KALRN: variants seen among roughly 807,000 people sequenced by gnomAD.
KALRN encodes kalirin.
Under a neutral mutation model 353.7 loss-of-function variants are expected in KALRN, and 70 were observed. The ratio of observed to expected loss-of-function variants is 0.20; its 90% confidence interval spans 0.16 to 0.24. The LOEUF is 0.24. KALRN is among the 10% of genes least tolerant of loss of function. KALRN has a pLI of 1.00. For missense variants in KALRN, 2,791 were observed against 3,756.7 expected, an observed-to-expected ratio of 0.74 and a Z score of 6.72; for synonymous variants, 1,391 against 1,434.8, an observed-to-expected ratio of 0.97 and a Z score of 0.69.
At chr3:124,397,175 C>A (rs548820571) in intron 12 of KALRN, among the ~76,000 whole-genome samples, 1 of 152,294 alleles carries the variant, frequency 6.6e-6, no homozygotes, top group East Asian at 1.9e-4. Flanking sequence ...AGAGAATAAT[C>A]ACATCCTCCC....
intron 23 of KALRN, among the ~76,000 whole-genome samples, chr3:124,459,623 C>G (rs72980539): frequency 2.0e-3 from 299 of 152,218 alleles, no homozygotes; most frequent in African/African-American, 6.8e-3. Flanking sequence ...TGAACCGTAC[C>G]AATCTTATAA....
At chr3:124,075,323 G>A (rs1260903399) in intron 1 of KALRN, among the ~76,000 whole-genome samples, 7 of 152,140 alleles carry the variant, frequency 4.6e-5, no homozygotes, top group South Asian at 2.1e-4. Flanking sequence ...TTTGTCAGTC[G>A]GGTTCTCATG....
intron 33 of KALRN, among the ~76,000 whole-genome samples, chr3:124,520,262 G>A (rs2067052923): frequency 6.6e-6 from 1 of 151,948 alleles, no homozygotes. Context: ...TTTTTTCAGT[G>A]GTAGTCCTCA....
At position 124,675,003 on chromosome 3, in the gene KALRN, GAT is replaced by G. The variant is rs141101032; in HGVS notation, c.7193+408_7193+409del. ...TCTATTTATATTGTATTAAGTAACT[GAT>G]ATATATATATATATATATTTTTGAT... On this transcript the variant is annotated intron_variant, in intron 49 of 59. Coordinates refer to ENST00000682506, the MANE Select transcript of KALRN (RefSeq NM_001388419.1). 1.0e-3 allele frequency: 149 copies of G among 146,410 alleles called. 1 individual carries two copies. The highest frequency in any genetic ancestry group is 3.6e-3 in the Middle Eastern group (1 of 278). The allele number at this position is 146,410 out of a possible 1,614,324, so 9.1% of individuals were successfully genotyped here.
Position 124,083,895 on chromosome 3 carries a change from G to A in KALRN, c.73+50082G>A, listed in dbSNP as rs545649985. Among the ~76,000 whole-genome samples the A allele has an allele frequency of 3.3e-5, 5 of 152,342 alleles. No individual in the cohort carries two copies. The South Asian group carries it at 1.0e-3, about 32-fold the overall frequency. ...ACTCTGTCTTTGTCAGGCAGACGAT[G>A]AGATTCCTTGCCTCAGTGGATGGTT... On this transcript the variant is annotated intron_variant, in intron 1 of 59. Transcript: ENST00000682506.
At chr3:124,423,919 G>T (rs76805746) in intron 15 of KALRN, among the ~76,000 whole-genome samples, 3,294 of 152,190 alleles carry the variant, frequency 0.022, 115 homozygotes, top group African/African-American at 0.074. Flanking sequence ...CAGACTAAGT[G>T]GTAATTGTTT....
At chr3:124,661,756 A>C in intron 44 of KALRN, 95 bp from the exon 45 acceptor site, 2 of 923,460 alleles carry the variant, frequency 2.2e-6, no homozygotes, top group Admixed American at 1.7e-5. Flanking sequence ...AGGAGCCACC[A>C]GAGATGAAGT....
chr3:124,368,826 G>A (rs1400277910), intron 10 of KALRN, among the ~76,000 whole-genome samples: 3 of 152,186 alleles, frequency 2.0e-5, no homozygotes, highest in African/African-American at 7.2e-5. Flanking sequence ...TCGGGAGGCC[G>A]AGGCTGGCGG....
chr3:124,423,071 C>A, intron 15 of KALRN, 93 bp downstream of exon 15: 1 of 1,187,530 alleles, frequency 8.4e-7, no homozygotes, highest in South Asian at 1.5e-5. Flanking sequence ...GCATACAGAG[C>A]CACAGGTGCC....
chr3:124,152,806 G>A (rs2068357794), intron 1 of KALRN: 1 of 273,670 alleles, frequency 3.7e-6, no homozygotes, highest in Non-Finnish European at 6.8e-6. Context: ...TCATTGAGAC[G>A]GGGTTTCACC....
intron 57 of KALRN, among the ~76,000 whole-genome samples, chr3:124,703,855 G>A (rs74706876): frequency 1.9e-4 from 29 of 149,774 alleles, no homozygotes; most frequent in African/African-American, 6.9e-4. Context: ...GTTTTGTAGA[G>A]ATGGAGTTCT....
intron 34 of KALRN, among the ~76,000 whole-genome samples, chr3:124,598,431 T>C (rs1358052364): frequency 6.6e-6 from 1 of 152,158 alleles, no homozygotes; most frequent in Non-Finnish European, 1.5e-5. Flanking sequence ...TGTGAAGTCT[T>C]CCCAGAGATC....
intron 1 of KALRN, among the ~76,000 whole-genome samples, chr3:124,177,474 G>A (rs1016640408): frequency 1.3e-5 from 2 of 152,164 alleles, no homozygotes; most frequent in African/African-American, 2.4e-5. Flanking sequence ...TGGAGAAGAT[G>A]GACCAGGATG....
chr3:124,699,887 A>C lies in KALRN; in HGVS notation c.7850A>C (p.Gln2617Pro). The change falls in exon 56 of 60, where the codon CAG (glutamine) becomes CCG (proline). Residue 2617 changes from glutamine to proline, a missense_variant. Physicochemically the swap from Gln to Pro is moderately conservative, Grantham distance 76. This residue lies in a region of KALRN where 1,065 missense variants were observed against 1,156.4 expected (regional missense o/e 0.92). Coordinates refer to ENST00000682506, the MANE Select transcript of KALRN (RefSeq NM_001388419.1). ...ACACTAGGTTCTCAGATCTGGCAGCAGTCAGTGGCTTCGACCTTGGACACT... is the reference window on the plus strand; with the variant it reads ...ACACTAGGTTCTCAGATCTGGCAGCCGTCAGTGGCTTCGACCTTGGACACT... ...YREEGSQIWQ[Q>P]SVASTLDTYL... The C allele has an allele frequency of 6.2e-7, 1 of 1,614,210 alleles. No individual in the cohort carries two copies. The highest frequency in any genetic ancestry group is 8.5e-7 in the Non-Finnish European group (1 of 1,180,024).
intron 18 of KALRN, among the ~76,000 whole-genome samples, chr3:124,441,691 C>T (rs994091805): frequency 6.6e-6 from 1 of 151,922 alleles, no homozygotes. Context: ...CTAGGTGTGG[C>T]GGTGGGCACC....
chr3:124,298,628 T>A (rs2077031413), intron 5 of KALRN, among the ~76,000 whole-genome samples, 163 bp from the exon 6 acceptor site: 1 of 152,120 alleles, frequency 6.6e-6, no homozygotes, highest in African/African-American at 2.4e-5. Flanking sequence ...TCCTGAGAAA[T>A]CAGGCTGTGG....
chr3:124,191,468 A>G (rs1290589661), intron 1 of KALRN, among the ~76,000 whole-genome samples: 1 of 152,168 alleles, frequency 6.6e-6, no homozygotes, highest in African/African-American at 2.4e-5. Flanking sequence ...AGAGATTCCA[A>G]AGGTTTTAGG....
chr3:124,355,327 A>G (rs1475437803), intron 10 of KALRN, among the ~76,000 whole-genome samples: 2 of 152,220 alleles, frequency 1.3e-5, no homozygotes, highest in East Asian at 3.8e-4. Flanking sequence ...TTTAGATCAC[A>G]TGTGGAAAAT....
At chr3:124,051,442 T>C (rs1281938911) in intron 1 of KALRN, among the ~76,000 whole-genome samples, 1 of 152,220 alleles carries the variant, frequency 6.6e-6, no homozygotes, top group East Asian at 1.9e-4. Context: ...CACTTTTGCT[T>C]TTCTCAAATA....
Sources: gnomAD v4.1 joint callset for allele counts (sites outside exome capture counted in the v4.1 genomes callset) on GRCh38, gnomAD v4.1.1 for gene constraint, gnomAD v4.1.1 regional missense constraint, MANE v1.5 for transcripts, NCBI Gene and HGNC (gene_info 2026-07-23, HGNC 2026-07-21) for gene names.